SLC9A9: variants seen among roughly 807,000 people sequenced by gnomAD.
SLC9A9 encodes the protein sodium/hydrogen exchanger 9.
SLC9A9 carries 62 observed loss-of-function variants against 77.8 expected under a neutral mutation model. That is an observed-to-expected ratio of 0.80 (90% CI 0.65 to 0.98). The LOEUF (loss-of-function observed/expected upper bound fraction) is 0.98, where lower values mean the gene tolerates loss of function less well. Among genes scored for constraint, SLC9A9 ranks in the 50% least tolerant of loss-of-function variants. The probability of loss-of-function intolerance (pLI) is 0.00; values close to 1 mark genes in which losing one functional copy is unlikely to be tolerated. For missense variants in SLC9A9, 775 were observed against 774.9 expected (o/e 1.00, Z 0.00); for synonymous variants, 320 against 283.5 (o/e 1.13, Z -1.29).
At chr3:143,385,159 T>C (rs2033395195) in intron 12 of SLC9A9, among the ~76,000 whole-genome samples, 1 of 152,048 alleles carries the variant, frequency 6.6e-6, no homozygotes, top group Non-Finnish European at 1.5e-5. Flanking sequence ...TTTTTCAAAT[T>C]ATTGTATCTG....
chr3:143,479,173 G>A (rs930371584), intron 11 of SLC9A9, among the ~76,000 whole-genome samples: 1 of 152,222 alleles, frequency 6.6e-6, no homozygotes, highest in Non-Finnish European at 1.5e-5. Context: ...CAATTTATAT[G>A]TGTGAACTTG....
chr3:143,421,674 T>C (rs979124653), intron 12 of SLC9A9, among the ~76,000 whole-genome samples: 2 of 152,198 alleles, frequency 1.3e-5, no homozygotes, highest in African/African-American at 4.8e-5. Flanking sequence ...ATTCTGGACA[T>C]TGGCCTTGGC....
intron 3 of SLC9A9, among the ~76,000 whole-genome samples, chr3:143,795,370 C>G (rs991302499): frequency 2.0e-5 from 3 of 150,954 alleles, no homozygotes; most frequent in Non-Finnish European, 4.4e-5. Context: ...GAGAGGGAAG[C>G]AAGGAACTGG....
chr3:143,826,977 A>G (rs1051179622), intron 2 of SLC9A9, among the ~76,000 whole-genome samples: 4 of 152,158 alleles, frequency 2.6e-5, no homozygotes, highest in Admixed American at 2.6e-4. Context: ...CTGATTTACT[A>G]CTAAACTCCT....
chr3:143,552,475 C>CA, intron 8 of SLC9A9, 25 bp from the exon 9 acceptor site: 3 of 1,601,876 alleles, frequency 1.9e-6, no homozygotes, highest in Non-Finnish European at 1.7e-6. Context: ...ACAGATCAGT[C>CA]AAAACCAATT....
At chr3:143,735,579 T>C (rs1466540810) in intron 4 of SLC9A9, among the ~76,000 whole-genome samples, 1 of 152,144 alleles carries the variant, frequency 6.6e-6, no homozygotes, top group Non-Finnish European at 1.5e-5. Context: ...AATGAATAAA[T>C]GAATGAAGCA....
At chr3:143,543,025 C>G (rs956512531) in intron 9 of SLC9A9, among the ~76,000 whole-genome samples, 1 of 152,214 alleles carries the variant, frequency 6.6e-6, no homozygotes, top group Non-Finnish European at 1.5e-5. Flanking sequence ...TTTCTCATAA[C>G]TAACCCTTAA....
intron 4 of SLC9A9, among the ~76,000 whole-genome samples, chr3:143,712,466 G>C (rs1934224436): frequency 6.6e-6 from 1 of 152,160 alleles, no homozygotes; most frequent in Admixed American, 6.5e-5. Context: ...AATGAAAAAA[G>C]ATAACGAGCA....
chr3:143,280,542 ATTTTTTTTTTTT>A (rs58879877), intron 14 of SLC9A9, among the ~76,000 whole-genome samples: 1 of 118,172 alleles, frequency 8.5e-6, no homozygotes, highest in African/African-American at 3.3e-5. Context: ...CTAGAACTAC[ATTTTTTTTTTTT>A]TTTTTTTTTT....
At chr3:143,383,623 C>A (rs1166693371) in intron 12 of SLC9A9, among the ~76,000 whole-genome samples, 1 of 152,148 alleles carries the variant, frequency 6.6e-6, no homozygotes, top group Non-Finnish European at 1.5e-5. Context: ...AAGTGAGGGG[C>A]CCTGAAACTC....
chr3:143,584,854 G>T (rs978747353), intron 6 of SLC9A9, among the ~76,000 whole-genome samples: 1 of 152,162 alleles, frequency 6.6e-6, no homozygotes, highest in African/African-American at 2.4e-5. Context: ...GATTCCTGTT[G>T]TCCCTGTAGA....
intron 12 of SLC9A9, among the ~76,000 whole-genome samples, chr3:143,388,505 G>A (rs894465214): frequency 3.9e-5 from 6 of 152,012 alleles, no homozygotes; most frequent in Non-Finnish European, 7.4e-5. Flanking sequence ...CTATAAGAGG[G>A]GATAAGCATA....
chr3:143,610,077 TA>T (rs1341096829), intron 6 of SLC9A9, among the ~76,000 whole-genome samples: 4 of 152,188 alleles, frequency 2.6e-5, no homozygotes, highest in Non-Finnish European at 5.9e-5. Flanking sequence ...CTGAGCTTCA[TA>T]ATATATTTTC....
intron 5 of SLC9A9, among the ~76,000 whole-genome samples, chr3:143,666,930 C>G (rs1314575930): frequency 1.3e-5 from 2 of 152,158 alleles, no homozygotes; most frequent in Non-Finnish European, 2.9e-5. Context: ...AGATTCAATG[C>G]CATCCCCATC....
chr3:143,302,254 T>C (rs554393643), intron 14 of SLC9A9, among the ~76,000 whole-genome samples: 25 of 152,312 alleles, frequency 1.6e-4, no homozygotes, highest in Middle Eastern at 3.4e-3. Flanking sequence ...ATGATTGCCC[T>C]AGTATATACA....
At chr3:143,566,182 T>C (rs1023463504) in intron 8 of SLC9A9, among the ~76,000 whole-genome samples, 1 of 152,134 alleles carries the variant, frequency 6.6e-6, no homozygotes, top group Non-Finnish European at 1.5e-5. Flanking sequence ...CTTTCTCAAG[T>C]TCCCCTTTTC....
intron 4 of SLC9A9, 65 bp from the exon 5 acceptor site, chr3:143,693,372 T>A (rs1576663621): frequency 3.9e-6 from 5 of 1,267,118 alleles, no homozygotes; most frequent in Middle Eastern, 1.9e-4. Context: ...CATGCTATCA[T>A]AAGCCACATG....
intron 2 of SLC9A9, 76 bp downstream of exon 2, chr3:143,831,943 A>C (rs2009445741): frequency 7.3e-7 from 1 of 1,370,836 alleles, no homozygotes. Context: ...GCATTATATA[A>C]AAAGTATAAA....
intron 12 of SLC9A9, among the ~76,000 whole-genome samples, chr3:143,394,508 C>A (rs932552627): frequency 6.6e-6 from 1 of 152,162 alleles, no homozygotes; most frequent in African/African-American, 2.4e-5. Flanking sequence ...ACTGAATGGG[C>A]AAAAACTGGA....
Sources: gnomAD v4.1 joint callset for allele counts (sites outside exome capture counted in the v4.1 genomes callset) on GRCh38, gnomAD v4.1.1 for gene constraint, MANE v1.5 for transcripts, NCBI Gene and HGNC (gene_info 2026-07-23, HGNC 2026-07-21) for gene names.